The following DMD variants were observed in gnomAD, a reference collection of about 807,000 sequenced individuals.
DMD encodes the protein dystrophin, also known as mutant dystrophin.
Under a neutral mutation model 330.1 loss-of-function variants are expected in DMD, and 63 were observed. The observed-to-expected ratio is 0.19, with a 90% CI of 0.16 to 0.24. The LOEUF (loss-of-function observed/expected upper bound fraction) is 0.24. Ranked by LOEUF, DMD falls within the 10% of genes least tolerant of loss-of-function variation. The pLI is 1.00. For synonymous variants in DMD, 1,223 were observed against 959.8 expected, an observed-to-expected ratio of 1.27 and a Z score of -5.07; for missense variants, 3,344 against 2,684.1, an observed-to-expected ratio of 1.25 and a Z score of -5.43.
chrX:31,994,648 C>T (rs1221070642), intron 44 of DMD, among the ~76,000 whole-genome samples: 2 of 111,634 alleles, frequency 1.8e-5, no homozygotes, highest in Non-Finnish European at 3.8e-5. Context: ...GTGACACAGA[C>T]TAACTGGAGA....
At chrX:32,729,707 T>TA (rs1341693572) in intron 7 of DMD, among the ~76,000 whole-genome samples, 2 of 111,701 alleles carry the variant, frequency 1.8e-5, no homozygotes, top group African/African-American at 6.5e-5. Context: ...TTATGTCTCT[T>TA]AAGGAGCTTT....
intron 62 of DMD, among the ~76,000 whole-genome samples, chrX:31,296,622 G>T (rs1056199554): frequency 1.8e-5 from 2 of 111,872 alleles, no homozygotes; most frequent in Non-Finnish European, 3.8e-5. Flanking sequence ...GGGCCCTAAT[G>T]TTACAAAGAA....
chrX:31,154,750 A>C (rs1386779663), intron 74 of DMD, among the ~76,000 whole-genome samples: 1 of 111,805 alleles, frequency 8.9e-6, no homozygotes, highest in Non-Finnish European at 1.9e-5. Context: ...ATACAGATGA[A>C]TATATGTCAG....
chrX:32,067,683 G>T (rs1375513417), intron 44 of DMD, among the ~76,000 whole-genome samples: 1 of 111,710 alleles, frequency 9.0e-6, no homozygotes, highest in Non-Finnish European at 1.9e-5. Context: ...CAAAGGATAT[G>T]ATTTTCTTCT....
At chrX:31,626,589 C>T (rs1282505251) in intron 55 of DMD, among the ~76,000 whole-genome samples, 5 of 110,683 alleles carry the variant, frequency 4.5e-5, no homozygotes, top group African/African-American at 9.9e-5. Flanking sequence ...GAAGCAAGAA[C>T]GATAAATTCA....
At chrX:32,715,743 G>T (rs1375886079) in intron 7 of DMD, among the ~76,000 whole-genome samples, 2 of 110,804 alleles carry the variant, frequency 1.8e-5, no homozygotes, top group African/African-American at 3.3e-5. Context: ...GGAGGTTGCA[G>T]TGAGCCACTG....
intron 44 of DMD, among the ~76,000 whole-genome samples, chrX:32,209,372 G>A (rs1421538036): frequency 2.7e-5 from 3 of 111,220 alleles, no homozygotes; most frequent in Admixed American, 9.6e-5. Flanking sequence ...TTGGGACATG[G>A]TGAGAAACTG....
chrX:32,669,530 T>C (rs1455418929), intron 9 of DMD, among the ~76,000 whole-genome samples: 1 of 111,835 alleles, frequency 8.9e-6, no homozygotes, highest in Non-Finnish European at 1.9e-5. Flanking sequence ...ATTGTACTTT[T>C]TTTCTCTGTG....
intron 60 of DMD, among the ~76,000 whole-genome samples, chrX:31,393,494 A>G (rs1411689961): frequency 2.1e-5 from 2 of 96,324 alleles, no homozygotes; most frequent in Non-Finnish European, 3.9e-5. Flanking sequence ...AAAAAAAACA[A>G]AAAAAAAAAA....
At position 31,498,238 on chromosome X, in the gene DMD, T is replaced by C. The variant is rs762911473; in HGVS notation, c.8391-1294A>G. On this transcript the variant is annotated intron_variant, in intron 56 of 78. Coordinates refer to ENST00000357033, the MANE Select transcript of DMD (RefSeq NM_004006.3). ...TATATATAGCATCATTTATGATTGATAAAACAAAACAGAAACAACTTAAAT... is the reference window on the plus strand; with the variant it reads ...TATATATAGCATCATTTATGATTGACAAAACAAAACAGAAACAACTTAAAT... Among the ~76,000 whole-genome samples, 7 of 112,235 alleles carry C rather than the reference T, an allele frequency of 6.2e-5. No homozygotes were observed. In the East Asian group the frequency reaches 1.7e-3, roughly 27 times the overall value.
chrX:32,746,826 G>T (rs993287548), intron 7 of DMD, among the ~76,000 whole-genome samples: 2 of 111,012 alleles, frequency 1.8e-5, no homozygotes, highest in Non-Finnish European at 3.8e-5. Flanking sequence ...TTATCATTTT[G>T]TATCTGTTAA....
At chrX:31,562,690 G>T (rs1335804572) in intron 55 of DMD, among the ~76,000 whole-genome samples, 1 of 111,057 alleles carries the variant, frequency 9.0e-6, no homozygotes, top group Non-Finnish European at 1.9e-5. Context: ...GGAGAAATTT[G>T]TATATTAGGT....
Position 32,884,154 on chromosome X carries a change from C to T in DMD, c.94-34334G>A, listed in dbSNP as rs949483119. 4.5e-5 allele frequency among the ~76,000 whole-genome samples: 5 copies of T among 111,137 alleles called. No individual in the cohort carries two copies. The East Asian group carries it at 1.4e-3, about 32-fold the overall frequency. On this transcript the variant is annotated intron_variant, in intron 2 of 78. Coordinates refer to ENST00000357033, the MANE Select transcript of DMD (RefSeq NM_004006.3). ...CCCAGACTGAAGGAACTTAAAGTTCCCACTAGGAAATAGTAGGGTGACATA... is the reference window on the plus strand; with the variant it reads ...CCCAGACTGAAGGAACTTAAAGTTCTCACTAGGAAATAGTAGGGTGACATA...
chrX:32,494,444 G>T (rs907211261), intron 19 of DMD, among the ~76,000 whole-genome samples: 1 of 111,169 alleles, frequency 9.0e-6, no homozygotes, highest in Non-Finnish European at 1.9e-5. Flanking sequence ...GAATTCTGGC[G>T]TTAAAGAGAC....
At chrX:31,424,723 G>A (rs1162996709) in intron 60 of DMD, among the ~76,000 whole-genome samples, 1 of 112,509 alleles carries the variant, frequency 8.9e-6, no homozygotes, top group East Asian at 2.8e-4. Flanking sequence ...AAAATCTAGT[G>A]CTGTAAAGGA....
intron 43 of DMD, among the ~76,000 whole-genome samples, chrX:32,232,996 CGTAT>C (rs1273830154): frequency 8.9e-6 from 1 of 112,214 alleles, no homozygotes; most frequent in African/African-American, 3.2e-5. Context: ...GTGTATGAAG[CGTAT>C]GTGTTTGTAC....
At chrX:32,292,302 C>CTTTT (rs10652780) in intron 42 of DMD, among the ~76,000 whole-genome samples, 2,375 of 62,835 alleles carry the variant, frequency 0.038, 409 homozygotes, top group African/African-American at 0.13. Flanking sequence ...AGGGAATATT[C>CTTTT]TTTTTTTTTT....
rs753384771 is a variant in DMD, at chrX:32,463,468, T to C, written c.3403A>G (p.Asn1135Asp). The change falls in exon 25 of 79, where the codon AAC (asparagine) becomes GAC (aspartate). Residue 1135 changes from asparagine (N) to aspartate (D), a missense_variant. By Grantham distance (23) the Asn-to-Asp change is conservative. Transcript: ENST00000357033. Reference protein sequence around the residue: ...SRLETELKELNTQWDHMCQQV... With the variant: ...SRLETELKELDTQWDHMCQQV... ...TGGCACATGTGATCCCACTGAGTGTTAAGTTCTTTGAGTTCTGTCTCAAGT... is the reference window on the plus strand; with the variant it reads ...TGGCACATGTGATCCCACTGAGTGTCAAGTTCTTTGAGTTCTGTCTCAAGT... The C allele has an allele frequency of 2.5e-6, 3 of 1,206,861 alleles. No homozygotes were observed. In the Admixed American group the frequency reaches 6.6e-5, roughly 27 times the overall value.
At position 31,603,895 on chromosome X, in the gene DMD, G is replaced by T. The variant is rs148008353; in HGVS notation, c.8217+23778C>A. On this transcript the variant is annotated intron_variant, in intron 55 of 78. Coordinates refer to ENST00000357033, the MANE Select transcript of DMD (RefSeq NM_004006.3). ...AAGCAGTTAACACTACTTCGTAAAG[G>T]AAGACTCCACTCCTTGACCTTCGCA... 1.1e-3 allele frequency among the ~76,000 whole-genome samples: 120 copies of T among 111,569 alleles called. 3 individuals are homozygous for T. Among genetic ancestry groups the T allele is most frequent in the African/African-American group, 3.8e-3 (116 of 30,758 alleles).
Sources: allele counts gnomAD v4.1 joint callset (sites outside exome capture counted in the v4.1 genomes callset), GRCh38; gene constraint gnomAD v4.1.1; transcripts MANE v1.5; gene names NCBI Gene and HGNC (gene_info 2026-07-23, HGNC 2026-07-21).